RPS6KC1: variants seen among roughly 807,000 people sequenced by gnomAD.
RPS6KC1 encodes the protein inactive ribosomal protein S6 kinase delta-1.
Under a neutral mutation model 103.8 loss-of-function variants are expected in RPS6KC1, and 54 were observed. The observed-to-expected ratio is 0.52, with a 90% CI of 0.42 to 0.65. The LOEUF is 0.65. Among genes scored for constraint, RPS6KC1 ranks in the 30% least tolerant of loss-of-function variants. RPS6KC1 has a pLI of 0.00. For missense variants in RPS6KC1, 1,151 were observed against 1,253.8 expected (o/e 0.92, Z 1.24); for synonymous variants, 439 against 438.7 (o/e 1.00, Z -0.01).
At chr1:213,174,031 A>T (rs1478599291) in intron 7 of RPS6KC1, among the ~76,000 whole-genome samples, 1 of 152,246 alleles carries the variant, frequency 6.6e-6, no homozygotes, top group Non-Finnish European at 1.5e-5. Context: ...AATGGATTAA[A>T]TATCATTTAA....
intron 6 of RPS6KC1, among the ~76,000 whole-genome samples, chr1:213,141,933 T>C (rs1192230450): frequency 6.6e-6 from 1 of 152,060 alleles, no homozygotes; most frequent in South Asian, 2.1e-4. Context: ...TTTGCTGATA[T>C]TCTGCCTCAA....
At chr1:213,170,405 C>T (rs974198356) in intron 7 of RPS6KC1, among the ~76,000 whole-genome samples, 3 of 152,122 alleles carry the variant, frequency 2.0e-5, no homozygotes, top group Non-Finnish European at 2.9e-5. Context: ...ATTCATTAAG[C>T]ATCTTTTAAG....
the RPS6KC1 span, among the ~76,000 whole-genome samples, chr1:213,614,030 C>T: frequency 6.6e-6 from 1 of 152,210 alleles, no homozygotes; most frequent in Non-Finnish European, 1.5e-5. Flanking sequence ...CAGTGAGGTT[C>T]TGTTTGATCC....
the RPS6KC1 span, among the ~76,000 whole-genome samples, chr1:213,513,067 C>T: frequency 6.6e-6 from 1 of 152,160 alleles, no homozygotes; most frequent in African/African-American, 2.4e-5. Context: ...CTGAACTATC[C>T]TGGTGTGCCC....
At chr1:213,708,177 G>A in the RPS6KC1 span, among the ~76,000 whole-genome samples, 7 of 152,262 alleles carry the variant, frequency 4.6e-5, no homozygotes, top group Non-Finnish European at 8.8e-5. Flanking sequence ...CCATGAGCAT[G>A]GAATTTTTTT....
At chr1:213,682,404 A>T in the RPS6KC1 span, among the ~76,000 whole-genome samples, 4 of 152,252 alleles carry the variant, frequency 2.6e-5, no homozygotes, top group Non-Finnish European at 5.9e-5. Flanking sequence ...GTCTTCTGCC[A>T]GGCACCCTGC....
chr1:213,158,620 G>A (rs531309330), intron 6 of RPS6KC1, among the ~76,000 whole-genome samples: 5 of 152,196 alleles, frequency 3.3e-5, no homozygotes, highest in East Asian at 1.9e-4. Context: ...GATTTGTATC[G>A]AAATAAAGAG....
the RPS6KC1 span, among the ~76,000 whole-genome samples, chr1:213,683,446 T>A: frequency 6.6e-6 from 1 of 152,148 alleles, no homozygotes; most frequent in African/African-American, 2.4e-5. Context: ...ATCCCTATCT[T>A]GAGGTCCCCA....
chr1:213,602,322 C>T, the RPS6KC1 span, among the ~76,000 whole-genome samples: 5 of 147,184 alleles, frequency 3.4e-5, no homozygotes, highest in Non-Finnish European at 7.4e-5. Flanking sequence ...CAACCTCTGC[C>T]TCCTGGGTTC....
chr1:213,594,777 G>T, the RPS6KC1 span, among the ~76,000 whole-genome samples: 1 of 152,196 alleles, frequency 6.6e-6, no homozygotes, highest in African/African-American at 2.4e-5. Flanking sequence ...GACTGAACTG[G>T]GTGCTCTATT....
chr1:213,500,058 A>G, the RPS6KC1 span, among the ~76,000 whole-genome samples: 1 of 152,060 alleles, frequency 6.6e-6, no homozygotes, highest in Non-Finnish European at 1.5e-5. Context: ...TATGAAAAAT[A>G]TTTTTCTTTC....
chr1:213,690,395 C>G, the RPS6KC1 span, among the ~76,000 whole-genome samples: 1 of 152,180 alleles, frequency 6.6e-6, no homozygotes, highest in Non-Finnish European at 1.5e-5. Flanking sequence ...AAGCAGAGAA[C>G]CAGTGCTGCA....
At chr1:213,718,962 C>A in the RPS6KC1 span, among the ~76,000 whole-genome samples, 3 of 152,190 alleles carry the variant, frequency 2.0e-5, no homozygotes, top group Non-Finnish European at 4.4e-5. Flanking sequence ...AAAGAAGCAG[C>A]CCCGCCTTCA....
At chr1:213,557,599 A>G in the RPS6KC1 span, among the ~76,000 whole-genome samples, 1 of 152,226 alleles carries the variant, frequency 6.6e-6, no homozygotes, top group African/African-American at 2.4e-5. Context: ...TTTATAAGGC[A>G]TGAGGATACA....
chr1:213,304,201 A>G, the RPS6KC1 span, among the ~76,000 whole-genome samples: 3 of 72,148 alleles, frequency 4.2e-5, no homozygotes, highest in East Asian at 3.7e-4. Flanking sequence ...GCGAGACTCC[A>G]TCTCAAAAAA....
At chr1:213,069,408 G>C (rs555650664) in intron 1 of RPS6KC1, among the ~76,000 whole-genome samples, 10 of 152,316 alleles carry the variant, frequency 6.6e-5, no homozygotes, top group Admixed American at 3.9e-4. Flanking sequence ...AGTTCTTGCT[G>C]TGTCCTTATT....
the RPS6KC1 span, among the ~76,000 whole-genome samples, chr1:213,627,027 T>C: frequency 6.6e-6 from 1 of 152,218 alleles, no homozygotes; most frequent in Admixed American, 6.5e-5. Flanking sequence ...AGTATGGCCA[T>C]TTTCACGATA....
At chr1:213,552,762 T>C in the RPS6KC1 span, among the ~76,000 whole-genome samples, 1 of 152,218 alleles carries the variant, frequency 6.6e-6, no homozygotes, top group African/African-American at 2.4e-5. Flanking sequence ...TAGTCACTTC[T>C]AGCTAGAATT....
At chr1:213,755,691 T>C in the RPS6KC1 span, among the ~76,000 whole-genome samples, 12 of 152,350 alleles carry the variant, frequency 7.9e-5, no homozygotes, top group African/African-American at 2.6e-4. Context: ...ACTTCCACCC[T>C]GAGTGTGGCT....
Sources: gnomAD v4.1 joint callset for allele counts (sites outside exome capture counted in the v4.1 genomes callset) on GRCh38, gnomAD v4.1.1 for gene constraint, MANE v1.5 for transcripts, NCBI Gene and HGNC (gene_info 2026-07-23, HGNC 2026-07-21) for gene names.